Variants in DYNLT2B observed in about 807,000 individuals in gnomAD.
DYNLT2B encodes dynein light chain Tctex-type 2B.
A neutral mutation model predicts 19.5 loss-of-function variants in DYNLT2B; 14 were observed. That is an observed-to-expected ratio of 0.72 (90% CI 0.47 to 1.12). The LOEUF is 1.12. Ranked by LOEUF, DYNLT2B falls within the 50% of genes most tolerant of loss-of-function variation. DYNLT2B has a pLI of 0.00. For missense variants in DYNLT2B, 133 were observed against 174.7 expected (o/e 0.76, Z 1.35); for synonymous variants, 70 against 59.7 (o/e 1.17, Z -0.79).
intron 4 of DYNLT2B, among the ~76,000 whole-genome samples, chr3:196,291,974 T>C (rs1726106097): frequency 6.6e-6 from 1 of 152,254 alleles, no homozygotes; most frequent in African/African-American, 2.4e-5. Flanking sequence ...ATTCATAAAA[T>C]AATTATTCAC....
Position 196,317,472 on chromosome 3 carries a change from T to C in DYNLT2B, c.113+568A>G, listed in dbSNP as rs1350197571. Reference sequence around the variant, plus strand: ...CCCGTGAGCCTGATATTTTTTTCAGTGTGTGTGTGTGTGTGTGTGTGTGTG... The same window carrying C: ...CCCGTGAGCCTGATATTTTTTTCAGCGTGTGTGTGTGTGTGTGTGTGTGTG... On this transcript the variant is annotated intron_variant, in intron 1 of 4. Transcript: ENST00000325318. 5.3e-5 allele frequency among the ~76,000 whole-genome samples: 2 copies of C among 38,046 alleles called. 1 individual carries two copies. Among genetic ancestry groups the C allele is most frequent in the Non-Finnish European group, 1.1e-4 (2 of 17,612 alleles). The allele number at this position is 38,046 out of a possible 152,430, so 25.0% of individuals were successfully genotyped here. A position where few individuals can be genotyped will look rare whatever the true frequency, so the allele number is the denominator to read the frequency against.
At chr3:196,310,202 A>C (rs1420633468) in intron 2 of DYNLT2B, among the ~76,000 whole-genome samples, 1 of 151,778 alleles carries the variant, frequency 6.6e-6, no homozygotes, top group African/African-American at 2.4e-5. Context: ...CCCAGATTCA[A>C]GCAATTCTCA....
At chr3:196,314,450 G>A (rs187558244) in intron 2 of DYNLT2B, among the ~76,000 whole-genome samples, 4,410 of 141,766 alleles carry the variant, frequency 0.031, 94 homozygotes, top group South Asian at 0.097. Flanking sequence ...GAAACAGAGC[G>A]AGACTCTGTC....
intron 2 of DYNLT2B, chr3:196,315,212 A>C (rs1726747544): frequency 2.3e-6 from 1 of 426,684 alleles, no homozygotes; most frequent in Non-Finnish European, 4.6e-6. Context: ...TAGAATCCAC[A>C]GCTAACATTC....
chr3:196,312,500 C>G (rs866500483), intron 2 of DYNLT2B, among the ~76,000 whole-genome samples: 29 of 152,248 alleles, frequency 1.9e-4, no homozygotes, highest in Middle Eastern at 3.4e-3. Flanking sequence ...GCTCTGTCGC[C>G]CAGGCTGGAG....
At chr3:196,293,731 G>GA (rs774476152) in intron 4 of DYNLT2B, among the ~76,000 whole-genome samples, 9 of 139,732 alleles carry the variant, frequency 6.4e-5, no homozygotes, top group Non-Finnish European at 1.2e-4. Context: ...TGCAACCTCT[G>GA]CCTCCCAGGT....
chr3:196,303,553 G>A (rs901394268), intron 3 of DYNLT2B, among the ~76,000 whole-genome samples: 6 of 152,150 alleles, frequency 3.9e-5, no homozygotes, highest in African/African-American at 1.4e-4. Flanking sequence ...TCTTACCTCT[G>A]TGATCTTCCT....
chr3:196,294,244 G>A (rs1044354956), intron 4 of DYNLT2B, among the ~76,000 whole-genome samples: 3 of 152,086 alleles, frequency 2.0e-5, no homozygotes, highest in Non-Finnish European at 4.4e-5. Context: ...CCAGCTACTC[G>A]GAAGGCTGAG....
At chr3:196,317,481 G>C (rs1415796202) in intron 1 of DYNLT2B, among the ~76,000 whole-genome samples, 1 of 90,114 alleles carries the variant, frequency 1.1e-5, no homozygotes, top group African/African-American at 4.9e-5. Context: ...GTGTGTGTGT[G>C]TGTGTGTGTG....
chr3:196,295,941 T>C, intron 4 of DYNLT2B, 65 bp downstream of exon 4: 1 of 1,307,942 alleles, frequency 7.6e-7, no homozygotes, highest in South Asian at 1.2e-5. Flanking sequence ...CAATCAACAG[T>C]AAATAGTTTG....
At chr3:196,293,859 G>A (rs1351229674) in intron 4 of DYNLT2B, among the ~76,000 whole-genome samples, 2 of 150,182 alleles carry the variant, frequency 1.3e-5, no homozygotes, top group African/African-American at 4.9e-5. Flanking sequence ...TGGCCAGGAT[G>A]GTCTCAATCT....
At chr3:196,291,945 T>G (rs768676001) in intron 4 of DYNLT2B, among the ~76,000 whole-genome samples, 2 of 152,246 alleles carry the variant, frequency 1.3e-5, no homozygotes, top group Non-Finnish European at 2.9e-5. Context: ...TGTGAACTAA[T>G]GAACTTTAGG....
chr3:196,298,890 CTT>C (rs1346386751), intron 3 of DYNLT2B, among the ~76,000 whole-genome samples: 6 of 152,086 alleles, frequency 3.9e-5, no homozygotes, highest in African/African-American at 1.4e-4. Flanking sequence ...AGTTGGCAGT[CTT>C]TACTTTTTAA....
At chr3:196,300,413 G>C (rs1726321775) in intron 3 of DYNLT2B, among the ~76,000 whole-genome samples, 1 of 152,076 alleles carries the variant, frequency 6.6e-6, no homozygotes, top group African/African-American at 2.4e-5. Flanking sequence ...GTTCTTGGTT[G>C]AAAGACTTGG....
intron 2 of DYNLT2B, among the ~76,000 whole-genome samples, chr3:196,312,414 G>A (rs898826958): frequency 1.3e-5 from 2 of 151,854 alleles, no homozygotes; most frequent in Admixed American, 6.6e-5. Flanking sequence ...AAGCACAAGG[G>A]TCAAGAAAAT....
chr3:196,317,195 T>C (rs1726868319), intron 1 of DYNLT2B, among the ~76,000 whole-genome samples: 1 of 131,068 alleles, frequency 7.6e-6, no homozygotes, highest in African/African-American at 2.9e-5. Flanking sequence ...TGTGTGTGTG[T>C]GTAAAGTTAG....
chr3:196,314,994 G>A (rs1560193460), intron 2 of DYNLT2B, among the ~76,000 whole-genome samples: 1 of 151,814 alleles, frequency 6.6e-6, no homozygotes, highest in Non-Finnish European at 1.5e-5. Flanking sequence ...ATGCCAGGCT[G>A]AGGACTTGAC....
In DYNLT2B at chr3:196,318,078, G is replaced by C. The variant is rs201019253; in HGVS notation, c.75C>G (p.Pro25=). The change falls in exon 1 of 5, where the codon CCC becomes CCG. Residue 25 remains proline (P), a synonymous_variant. Transcript: ENST00000325318. ...CAGGCCGCAGAATATAGGTGTTCTC[G>C]GGCTCCCCTGCGTTCTTCTCAGCCT... is the stretch of plus-strand genomic sequence containing the variant. ...VPEAEKNAGE[P]ENTYILRPVF... 2.6e-6 allele frequency: 4 copies of C among 1,564,118 alleles called. No individual in the cohort carries two copies. The highest frequency in any genetic ancestry group is 2.4e-5 in the South Asian group (2 of 85,092).
At chr3:196,298,204 G>C in intron 3 of DYNLT2B, 1 of 309,664 alleles carries the variant, frequency 3.2e-6, no homozygotes, top group Non-Finnish European at 6.5e-6. Context: ...TAAAAGACTT[G>C]TGAGAAGACA....
Sources: gnomAD v4.1 joint callset for allele counts (sites outside exome capture counted in the v4.1 genomes callset) on GRCh38, gnomAD v4.1.1 for gene constraint, MANE v1.5 for transcripts, NCBI Gene and HGNC (gene_info 2026-07-23, HGNC 2026-07-21) for gene names.